Variants in TMEM147 observed in about 807,000 individuals in gnomAD.
TMEM147 encodes the protein transmembrane protein 147, also known as BOS complex subunit TMEM147.
Under a neutral mutation model 29.4 loss-of-function variants are expected in TMEM147, and 29 were observed. The ratio of observed to expected loss-of-function variants is 0.99; its 90% CI spans 0.73 to 1.34. The LOEUF (loss-of-function observed/expected upper bound fraction) is 1.34, where lower values mean the gene tolerates loss of function less well. Among genes scored for constraint, TMEM147 ranks in the 40% most tolerant of loss-of-function variants. The probability of loss-of-function intolerance (pLI) is 0.00; values close to 1 mark genes in which losing one functional copy is unlikely to be tolerated. For missense variants in TMEM147, 260 were observed against 289.4 expected (o/e 0.90, Z 0.74); for synonymous variants, 121 against 111.8 (o/e 1.08, Z -0.52).
Position 35,547,407 on chromosome 19 carries a change from C to T in TMEM147, c.635C>T (p.Thr212Ile). 1 of 1,613,822 alleles carries T rather than the reference C, an allele frequency of 6.2e-7. No homozygotes were observed. Among genetic ancestry groups the T allele is most frequent in the Non-Finnish European group, 8.5e-7 (1 of 1,180,036 alleles). The change falls in exon 7 of 7, where the codon ACT becomes ATT. Residue 212 changes from threonine (T) to isoleucine (I), a missense_variant. Coordinates refer to ENST00000222284, the MANE Select transcript of TMEM147 (RefSeq NM_032635.4). ...AVVTGLLALS[T>I]LALYVAVVNV... ...GTAACGGGGCTGCTGGCCCTCAGCA[C>T]TTTGGCCCTGTATGTCGCCGTTGTC...
Position 35,545,878 on chromosome 19 carries a change from G to T in TMEM147, c.78-10G>T. ...GGGCCCGGGCCGACCCTCACCTCCC[G>T]CTTCTCCAGGTCCGAGTACAACGCC... On this transcript the variant is annotated splice_polypyrimidine_tract_variant and intron_variant, in intron 1 of 6. Coordinates refer to ENST00000222284, the MANE Select transcript of TMEM147 (RefSeq NM_032635.4). The T allele has an allele frequency of 6.2e-7, 1 of 1,613,886 alleles. No individual in the cohort carries two copies. Among genetic ancestry groups the T allele is most frequent in the Middle Eastern group, 1.6e-4 (1 of 6,062 alleles).
intron 2 of TMEM147, 132 bp downstream of exon 2, chr19:35,546,089 C>T (rs1190311607): frequency 9.8e-7 from 1 of 1,016,952 alleles, no homozygotes; most frequent in Non-Finnish European, 1.5e-6. Flanking sequence ...TGGGAGGCGT[C>T]AGGATACCTA....
chr19:35,546,816 C>T lies in TMEM147; in HGVS notation c.344+8C>T, dbSNP rs755670797. On this transcript the variant is annotated splice_region_variant and intron_variant, in intron 4 of 6. Coordinates refer to ENST00000222284, the MANE Select transcript of TMEM147 (RefSeq NM_032635.4). ...TGAGCTTATTATGTCCCGGTGCGTA[C>T]AGCAGCCTGGAGCCCAGACCCCTGA... is the stretch of plus-strand genomic sequence containing the variant. 1 of 1,614,072 alleles carries T rather than the reference C, an allele frequency of 6.2e-7. No homozygotes were observed. Among genetic ancestry groups the T allele is most frequent in the Non-Finnish European group, 8.5e-7 (1 of 1,180,056 alleles).
At position 35,547,099 on chromosome 19, in the gene TMEM147, G is replaced by A. The variant is rs578241372; in HGVS notation, c.430-20G>A. 9.7e-5 allele frequency: 156 copies of A among 1,614,130 alleles called. No homozygotes were observed. In the South Asian group the frequency reaches 1.3e-3, roughly 14 times the overall value. On this transcript the variant is annotated intron_variant, in intron 5 of 6. Coordinates refer to ENST00000222284, the MANE Select transcript of TMEM147 (RefSeq NM_032635.4). ...ATACTCCTCCCCAAGGCCTGGCCCC[G>A]ACTTTCTGCCTCCCTCTAGGTCCAT...
chr19:35,546,934 G>T lies in TMEM147; in HGVS notation c.345-11G>T. ...TGAGTACTGGAGAATCCCATCCTTT[G>T]CCTTCCTCAGCTGCATTCCCCTATG... On this transcript the variant is annotated splice_polypyrimidine_tract_variant and intron_variant, in intron 4 of 6. Transcript: ENST00000222284. 2.7e-5 allele frequency: 44 copies of T among 1,614,136 alleles called. No individual in the cohort carries two copies. Among genetic ancestry groups the T allele is most frequent in the Non-Finnish European group, 3.7e-5 (44 of 1,180,044 alleles).
intron 2 of TMEM147, chr19:35,546,200 G>C (rs1417060220): frequency 4.9e-6 from 3 of 614,306 alleles, no homozygotes; most frequent in Non-Finnish European, 8.5e-6. Flanking sequence ...AGTGTGGTTG[G>C]CTAACAGGTT....
Position 35,546,996 on chromosome 19 carries a change from C to T in TMEM147, c.396C>T (p.Tyr132=), listed in dbSNP as rs773499893. The change falls in exon 5 of 7, where the codon TAC becomes TAT. Residue 132 remains tyrosine (Y), a synonymous_variant. Transcript: ENST00000222284. The part of the protein sequence containing the change: ...GARGIEFDWK[Y]IQMSIDSNIS... ...GGGGCATTGAGTTTGACTGGAAGTACATCCAGATGAGCATAGACTCCAACA... is the reference window on the plus strand; with the variant it reads ...GGGGCATTGAGTTTGACTGGAAGTATATCCAGATGAGCATAGACTCCAACA... 8 of 1,614,100 alleles carry T rather than the reference C, an allele frequency of 5.0e-6. No homozygotes were observed. In the African/African-American group the frequency reaches 1.1e-4, roughly 22 times the overall value.
rs566519921 is a variant in TMEM147, at chr19:35,546,944, G to T, written c.345-1G>T. ...AGAATCCCATCCTTTGCCTTCCTCA[G>T]CTGCATTCCCCTATGGGTCGGAGCC... On this transcript the variant is annotated splice_acceptor_variant, in intron 4 of 6. Transcript: ENST00000222284. LOFTEE classifies it high-confidence loss of function. 5 of 1,614,214 alleles carry T rather than the reference G, an allele frequency of 3.1e-6. No individual in the cohort carries two copies. In the East Asian group the frequency reaches 8.9e-5, roughly 29 times the overall value.
chr19:35,546,074 C>T (rs1324729762), intron 2 of TMEM147, 117 bp downstream of exon 2: 3 of 1,169,014 alleles, frequency 2.6e-6, no homozygotes, highest in Admixed American at 2.0e-5. Context: ...CTCGGGACTC[C>T]GCACTGGGAG....
chr19:35,545,703 G>C lies in TMEM147; in HGVS notation c.-37G>C. The C allele has an allele frequency of 6.2e-7, 1 of 1,600,408 alleles. No homozygotes were observed. The highest frequency in any genetic ancestry group is 8.5e-7 in the Non-Finnish European group (1 of 1,177,102). On this transcript the variant is annotated 5_prime_UTR_variant, in exon 1 of 7. Transcript: ENST00000222284. The stretch of plus-strand genomic sequence containing the variant: ...GACCCGCTCCCGGAGACGCCGCCTC[G>C]CGATCCCCGCGCGGGCGGGACCGGG...
chr19:35,546,347 G>T, intron 2 of TMEM147, 179 bp from the exon 3 acceptor site: 1 of 710,034 alleles, frequency 1.4e-6, no homozygotes. Context: ...GGGGACCCGG[G>T]GACCTATCCT....
chr19:35,546,830 C>G, intron 4 of TMEM147, 22 bp downstream of exon 4: 2 of 1,614,162 alleles, frequency 1.2e-6, no homozygotes, highest in Non-Finnish European at 1.7e-6. Context: ...AGCCTGGAGC[C>G]CAGACCCCTG....
At chr19:35,546,472 G>A in intron 2 of TMEM147, 54 bp from the exon 3 acceptor site, 2 of 1,568,706 alleles carry the variant, frequency 1.3e-6, no homozygotes, top group South Asian at 1.2e-5. Context: ...ATCCCACGTG[G>A]TTTATCTTGA....
In TMEM147 at chr19:35,545,644, C is replaced by A; in HGVS notation, c.-96C>A. On this transcript the variant is annotated 5_prime_UTR_variant, in exon 1 of 7. Coordinates refer to ENST00000222284, the MANE Select transcript of TMEM147 (RefSeq NM_032635.4). ...CCCCGCCAGTCAGGTGGGTGCCAGG[C>A]CCTGGCCGTGGCGAAAGAGCCGGCG... 1 of 1,377,690 alleles carries A rather than the reference C, an allele frequency of 7.3e-7. No homozygotes were observed. The highest frequency in any genetic ancestry group is 1.3e-5 in the South Asian group (1 of 75,908). The allele number at this position is 1,377,690 out of a possible 1,614,324, so 85.3% of individuals were successfully genotyped here.
intron 5 of TMEM147, 40 bp from the exon 6 acceptor site, chr19:35,547,079 C>G (rs1005633805): frequency 5.0e-6 from 8 of 1,614,048 alleles, no homozygotes; most frequent in Non-Finnish European, 6.8e-6. Context: ...CGGCCATACT[C>G]CTCCCCAAGG....
chr19:35,546,924 C>G, intron 4 of TMEM147, 21 bp from the exon 5 acceptor site: 2 of 1,614,142 alleles, frequency 1.2e-6, no homozygotes, highest in Non-Finnish European at 1.7e-6. Context: ...ACTGGAGAAT[C>G]CCATCCTTTG....
chr19:35,545,834 G>C lies in TMEM147; in HGVS notation c.77+18G>C, dbSNP rs757397186. On this transcript the variant is annotated intron_variant, in intron 1 of 6. Transcript: ENST00000222284. ...AGCGGCCTGTGAGTGCGGGAAGGGCGCGGGGCGGAGAGGGCGCGGGGCCCG... is the reference window on the plus strand; with the variant it reads ...AGCGGCCTGTGAGTGCGGGAAGGGCCCGGGGCGGAGAGGGCGCGGGGCCCG... The C allele has an allele frequency of 6.2e-7, 1 of 1,613,792 alleles. No individual in the cohort carries two copies. Among genetic ancestry groups the C allele is most frequent in the Non-Finnish European group, 8.5e-7 (1 of 1,179,884 alleles).
At chr19:35,546,456 C>G (rs997290745) in intron 2 of TMEM147, 70 bp from the exon 3 acceptor site, 1 of 1,541,436 alleles carries the variant, frequency 6.5e-7, no homozygotes, top group African/African-American at 1.4e-5. Flanking sequence ...CACGAACTTC[C>G]CACAAATCCC....
chr19:35,545,809 A>G lies in TMEM147; in HGVS notation c.70A>G (p.Ser24Gly), dbSNP rs758630272. ...YFPYFITYKCSGLSEYNAFWK... is the reference protein window; with the variant it reads ...YFPYFITYKCGGLSEYNAFWK... ...CCCCTACTTCATCACCTACAAGTGC[A>G]GCGGCCTGTGAGTGCGGGAAGGGCG... The change falls in exon 1 of 7, where the codon AGC becomes GGC. Residue 24 changes from serine (S) to glycine (G), a missense_variant. By Grantham distance (56) the Ser-to-Gly change is moderately conservative. Coordinates refer to ENST00000222284, the MANE Select transcript of TMEM147 (RefSeq NM_032635.4). 2 of 1,613,900 alleles carry G rather than the reference A, an allele frequency of 1.2e-6. No individual in the cohort carries two copies. The highest frequency in any genetic ancestry group is 8.5e-7 in the Non-Finnish European group (1 of 1,179,882).
Sources: gnomAD v4.1 joint callset for allele counts on GRCh38, gnomAD v4.1.1 for gene constraint, MANE v1.5 for transcripts, NCBI Gene and HGNC (gene_info 2026-07-23, HGNC 2026-07-21) for gene names.